The following WDR4 variants were observed in gnomAD, a reference collection of about 807,000 sequenced individuals.
WDR4 encodes the protein tRNA (guanine-N(7)-)-methyltransferase non-catalytic subunit WDR4.
A neutral mutation model predicts 48.6 loss-of-function variants in WDR4; 47 were observed. That is an observed-to-expected ratio of 0.97 (90% confidence interval 0.77 to 1.23). The LOEUF (loss-of-function observed/expected upper bound fraction) is 1.23. Among genes scored for constraint, WDR4 ranks in the 50% most tolerant of loss-of-function variants. WDR4 has a pLI of 0.00. For missense variants in WDR4, 606 were observed against 551.6 expected (o/e 1.10, Z -0.99); for synonymous variants, 268 against 230.0 (o/e 1.17, Z -1.49).
At chr21:42,880,018 T>A (rs2058594337), upstream of WDR4, among the ~76,000 whole-genome samples, 1 of 151,792 alleles carries the variant, frequency 6.6e-6, no homozygotes, top group Admixed American at 6.6e-5. Context: ...TAGCCCCAAC[T>A]ACTTGGGAGG....
intron 6 of WDR4, among the ~76,000 whole-genome samples, chr21:42,859,331 T>G: frequency 6.6e-6 from 1 of 150,380 alleles, no homozygotes; most frequent in African/African-American, 2.5e-5. Flanking sequence ...CCTCCAAGAG[T>G]CAGAGAAGCC....
At chr21:42,854,707 C>G (rs1219417139) in intron 7 of WDR4, 81 bp from the exon 8 acceptor site, 1 of 1,348,734 alleles carries the variant, frequency 7.4e-7, no homozygotes, top group Middle Eastern at 1.8e-4. Context: ...AAGAGCAAGA[C>G]CGAAGGACGC....
rs1010343283 is a variant in WDR4, at chr21:42,863,744, A to C, written c.297-148T>G. 1.3e-5 allele frequency: 11 copies of C among 840,634 alleles called. No homozygotes were observed. The African/African-American group carries it at 1.9e-4, about 14-fold the overall frequency. The allele number at this position is 840,634 out of a possible 1,614,324, so 52.1% of individuals were successfully genotyped here. ...GCTGAAGGTGGTGCCAAAAAAATTA[A>C]GCAATGCTAACAACTGGAACAAAGC... On this transcript the variant is annotated intron_variant, in intron 3 of 10. Coordinates refer to ENST00000398208, the MANE Select transcript of WDR4 (RefSeq NM_018669.6).
chr21:42,879,191 GGAGCGGACGCCGA>G lies in WDR4; in HGVS notation c.89+203_89+215del, dbSNP rs1177721257. 7.5e-6 allele frequency: 10 copies of G among 1,337,278 alleles called. No individual in the cohort carries two copies. The East Asian group carries it at 1.5e-4, about 20-fold the overall frequency. The allele number at this position is 1,337,278 out of a possible 1,614,324, so 82.8% of individuals were successfully genotyped here. A position where few individuals can be genotyped will look rare whatever the true frequency, so the allele number is the denominator to read the frequency against. ...AGTGCAAGGAGCGCGCCGGAGCCGG[GGAGCGGACGCCGA>G]GAGCGGACGGCGAAAGCGGACCCTC... On this transcript the variant is annotated intron_variant, in intron 1 of 10. Coordinates refer to ENST00000398208, the MANE Select transcript of WDR4 (RefSeq NM_018669.6).
At chr21:42,892,760 G>C in the WDR4 span, among the ~76,000 whole-genome samples, 1 of 152,230 alleles carries the variant, frequency 6.6e-6, no homozygotes, top group Non-Finnish European at 1.5e-5. Flanking sequence ...TCTGGTATTA[G>C]CGTTGGCAGG....
intron 10 of WDR4, 138 bp from the exon 11 acceptor site, chr21:42,850,380 C>T (rs897447546): frequency 1.7e-5 from 12 of 706,390 alleles, no homozygotes; most frequent in Admixed American, 1.4e-4. Flanking sequence ...CCTTCTGGGA[C>T]GGCTCCCCAC....
chr21:42,863,412 T>G, intron 4 of WDR4, 28 bp downstream of exon 4: 1 of 1,588,074 alleles, frequency 6.3e-7, no homozygotes, highest in Non-Finnish European at 8.6e-7. Context: ...ACCTGCCATG[T>G]CCCCCACCTA....
At chr21:42,853,493 A>C (rs1366475573) in intron 9 of WDR4, 76 bp downstream of exon 9, 13 of 1,490,658 alleles carry the variant, frequency 8.7e-6, no homozygotes, top group Middle Eastern at 2.4e-4. Flanking sequence ...GGACCCAAAA[A>C]ACATAGCTGC....
chr21:42,876,632 C>T, intron 2 of WDR4, 70 bp downstream of exon 2: 1 of 1,458,842 alleles, frequency 6.9e-7, no homozygotes, highest in Non-Finnish European at 9.5e-7. Context: ...ACAACAATTG[C>T]TTCTTAGACC....
chr21:42,846,329 A>G (rs112935002), downstream of WDR4, among the ~76,000 whole-genome samples: 1,025 of 152,348 alleles, frequency 6.7e-3, 10 homozygotes, highest in African/African-American at 0.023. Flanking sequence ...TGAGCCTCAC[A>G]GAGAGTGGAG....
At chr21:42,889,296 T>A in the WDR4 span, among the ~76,000 whole-genome samples, 1 of 152,148 alleles carries the variant, frequency 6.6e-6, no homozygotes, top group African/African-American at 2.4e-5. Flanking sequence ...TTTTGGTTTT[T>A]TAAAACTTGA....
chr21:42,863,650 C>G (rs571918910), intron 3 of WDR4, 54 bp from the exon 4 acceptor site: 19 of 1,558,582 alleles, frequency 1.2e-5, no homozygotes, highest in South Asian at 2.4e-5. Flanking sequence ...GCAGGGTCCT[C>G]GACAGCCTGG....
chr21:42,847,292 G>A (rs2057719144), downstream of WDR4, among the ~76,000 whole-genome samples: 1 of 152,150 alleles, frequency 6.6e-6, no homozygotes. Context: ...AGGGGCAAGA[G>A]ACAAAACTCT....
intron 2 of WDR4, among the ~76,000 whole-genome samples, chr21:42,876,342 T>G: frequency 6.6e-6 from 1 of 152,000 alleles, no homozygotes; most frequent in Middle Eastern, 3.4e-3. Flanking sequence ...GCCTCCCAAG[T>G]AGACGGGATT....
chr21:42,868,487 C>A (rs946129885), intron 3 of WDR4, among the ~76,000 whole-genome samples: 3 of 152,248 alleles, frequency 2.0e-5, no homozygotes, highest in African/African-American at 7.2e-5. Flanking sequence ...AGGCCTACGG[C>A]ACACACGGCC....
upstream of WDR4, among the ~76,000 whole-genome samples, chr21:42,880,875 G>A (rs567183890): frequency 4.0e-5 from 6 of 151,870 alleles, no homozygotes; most frequent in African/African-American, 1.4e-4. Context: ...AAAGCTTTAT[G>A]GGCTTCTCAA....
At chr21:42,845,710 C>T (rs957921126), downstream of WDR4, among the ~76,000 whole-genome samples, 16 of 152,218 alleles carry the variant, frequency 1.1e-4, no homozygotes, top group African/African-American at 3.4e-4. Context: ...GGATGCACTG[C>T]GTTTTCCACG....
At chr21:42,847,756 T>G (rs1045421254), downstream of WDR4, among the ~76,000 whole-genome samples, 1 of 152,214 alleles carries the variant, frequency 6.6e-6, no homozygotes, top group African/African-American at 2.4e-5. Context: ...CAACCACTTT[T>G]AAAATGTAAA....
intron 2 of WDR4, among the ~76,000 whole-genome samples, chr21:42,874,789 A>G (rs901121965): frequency 6.6e-6 from 1 of 152,132 alleles, no homozygotes; most frequent in African/African-American, 2.4e-5. Flanking sequence ...TATCAATGAC[A>G]GTGGTGCCCG....
Sources: allele counts gnomAD v4.1 joint callset (sites outside exome capture counted in the v4.1 genomes callset), GRCh38; gene constraint gnomAD v4.1.1; transcripts MANE v1.5; gene names NCBI Gene and HGNC (gene_info 2026-07-23, HGNC 2026-07-21).